The following MIPOL1 variants were observed in gnomAD, a reference collection of about 807,000 sequenced individuals.
The protein encoded by MIPOL1 is mirror-image polydactyly gene 1 protein.
A neutral mutation model predicts 60.9 loss-of-function variants in MIPOL1; 57 were observed. The ratio of observed to expected loss-of-function variants is 0.94; its 90% CI spans 0.76 to 1.17. The LOEUF (loss-of-function observed/expected upper bound fraction) is 1.17. Among genes scored for constraint, MIPOL1 ranks in the 50% most tolerant of loss-of-function variants. MIPOL1 has a pLI of 0.00. For synonymous variants in MIPOL1, 179 were observed against 168.8 expected (o/e 1.06, Z -0.47); for missense variants, 551 against 511.6 (o/e 1.08, Z -0.74).
At chr14:37,431,881 G>A (rs1046530945) in intron 11 of MIPOL1, among the ~76,000 whole-genome samples, 10 of 151,864 alleles carry the variant, frequency 6.6e-5, no homozygotes, top group Non-Finnish European at 1.2e-4. Flanking sequence ...CACTACGCCC[G>A]GCCCTGTTTC....
In MIPOL1 at chr14:37,499,892, T is replaced by A; in HGVS notation, c.1032-16T>A. On this transcript the variant is annotated splice_polypyrimidine_tract_variant and intron_variant, in intron 11 of 12. Transcript: ENST00000684589. ...TTACATTACTTATCTTTAAATTTTTTTTAATATTTTCTCAGTTTACACAAA... is the reference window on the plus strand; with the variant it reads ...TTACATTACTTATCTTTAAATTTTTATTAATATTTTCTCAGTTTACACAAA... 1 of 1,408,376 alleles carries A rather than the reference T, an allele frequency of 7.1e-7. No homozygotes were observed. Among genetic ancestry groups the A allele is most frequent in the South Asian group, 1.3e-5 (1 of 75,648 alleles). The allele number at this position is 1,408,376 out of a possible 1,614,324, so 87.2% of individuals were successfully genotyped here.
At chr14:37,425,609 A>T (rs951239920) in intron 11 of MIPOL1, among the ~76,000 whole-genome samples, 1 of 152,218 alleles carries the variant, frequency 6.6e-6, no homozygotes, top group Non-Finnish European at 1.5e-5. Flanking sequence ...TGAGAGTAAT[A>T]GTACCTACTT....
intron 10 of MIPOL1, among the ~76,000 whole-genome samples, chr14:37,398,767 G>A (rs538067722): frequency 4.6e-5 from 7 of 152,196 alleles, no homozygotes; most frequent in Middle Eastern, 3.4e-3. Context: ...AGATCTTTTC[G>A]TTTTTCTTTG....
intron 12 of MIPOL1, among the ~76,000 whole-genome samples, chr14:37,538,153 C>T (rs2095514606): frequency 6.6e-6 from 1 of 152,132 alleles, no homozygotes; most frequent in South Asian, 2.1e-4. Flanking sequence ...TATAATGAGC[C>T]TTGCAGGTCT....
At chr14:37,398,326 G>A (rs1454186277) in intron 10 of MIPOL1, among the ~76,000 whole-genome samples, 1 of 152,194 alleles carries the variant, frequency 6.6e-6, no homozygotes, top group African/African-American at 2.4e-5. Flanking sequence ...TATTTGGGGT[G>A]TCTCCAGAGT....
At chr14:37,349,223 G>A (rs1348396224) in intron 9 of MIPOL1, among the ~76,000 whole-genome samples, 8 of 151,858 alleles carry the variant, frequency 5.3e-5, no homozygotes, top group Non-Finnish European at 1.2e-4. Flanking sequence ...CCTGACCTCA[G>A]GTGATCCACC....
At chr14:37,229,817 A>G in intron 1 of MIPOL1, among the ~76,000 whole-genome samples, 1 of 152,194 alleles carries the variant, frequency 6.6e-6, no homozygotes, top group East Asian at 1.9e-4. Context: ...TTAAAACTAT[A>G]TATGTTACAA....
chr14:37,278,857 A>C (rs2083874193), intron 6 of MIPOL1: 1 of 151,796 alleles, frequency 6.6e-6, no homozygotes, highest in Non-Finnish European at 1.5e-5. Flanking sequence ...TGACTCAATA[A>C]ACTCATACTT....
intron 11 of MIPOL1, among the ~76,000 whole-genome samples, chr14:37,454,745 GTAAA>G (rs2094458279): frequency 6.6e-6 from 1 of 152,142 alleles, no homozygotes; most frequent in Non-Finnish European, 1.5e-5. Flanking sequence ...AATCCATGTG[GTAAA>G]TAAAGTATTG....
intron 7 of MIPOL1, among the ~76,000 whole-genome samples, chr14:37,299,012 G>A (rs537126061): frequency 0.021 from 3,110 of 151,578 alleles, 30 homozygotes; most frequent in Non-Finnish European, 0.032. Context: ...TGTTTATTGT[G>A]GCACTATTCA....
intron 12 of MIPOL1, among the ~76,000 whole-genome samples, chr14:37,542,256 T>G (rs2095532570): frequency 1.3e-5 from 2 of 152,336 alleles, no homozygotes; most frequent in South Asian, 2.1e-4. Flanking sequence ...CATCTTTTAC[T>G]TCTTTGACCA....
intron 9 of MIPOL1, among the ~76,000 whole-genome samples, chr14:37,316,808 C>T (rs908317170): frequency 1.3e-5 from 2 of 152,036 alleles, no homozygotes; most frequent in Middle Eastern, 3.4e-3. Context: ...GAAACCTTGT[C>T]TCTACTAAAA....
At chr14:37,269,160 T>C (rs1391668272) in intron 5 of MIPOL1, among the ~76,000 whole-genome samples, 2 of 152,104 alleles carry the variant, frequency 1.3e-5, no homozygotes, top group African/African-American at 4.8e-5. Flanking sequence ...TTTTTCTTTA[T>C]TAGTATCCAT....
At position 37,409,513 on chromosome 14, in the gene MIPOL1, C is replaced by T. The variant is rs1055628211; in HGVS notation, c.937-13342C>T. ...GCCAAAAAAATAATTTGTGGCTGGGCGCAGTGGCTCACACCTGTAATCCCA... is the reference window on the plus strand; with the variant it reads ...GCCAAAAAAATAATTTGTGGCTGGGTGCAGTGGCTCACACCTGTAATCCCA... On this transcript the variant is annotated intron_variant, in intron 10 of 12. Transcript: ENST00000684589. Among the ~76,000 whole-genome samples the T allele has an allele frequency of 1.4e-4, 22 of 152,234 alleles. 1 individual carries two copies. The East Asian group carries it at 1.5e-3, about 11-fold the overall frequency.
chr14:37,498,606 T>C (rs575714300), intron 11 of MIPOL1, among the ~76,000 whole-genome samples: 2 of 152,248 alleles, frequency 1.3e-5, no homozygotes, highest in East Asian at 3.9e-4. Context: ...TTAATAACAA[T>C]GTGCAAACCA....
At position 37,440,946 on chromosome 14, in the gene MIPOL1, G is replaced by A. The variant is rs191734680; in HGVS notation, c.1031+17997G>A. ...GTTATTTTCTGACTTTCTAATAATG[G>A]CCATTCTGAGTGGTGTCAATGAGGA... On this transcript the variant is annotated intron_variant, in intron 11 of 12. Transcript: ENST00000684589. 3.6e-3 allele frequency among the ~76,000 whole-genome samples: 552 copies of A among 152,146 alleles called. 3 individuals are homozygous for A. The highest frequency in any genetic ancestry group is 6.4e-3 in the Non-Finnish European group (437 of 67,984).
intron 7 of MIPOL1, among the ~76,000 whole-genome samples, chr14:37,288,295 C>T (rs550838729): frequency 4.6e-5 from 7 of 151,904 alleles, no homozygotes; most frequent in East Asian, 3.9e-4. Context: ...GTCTTAGGCA[C>T]GGCACCTGGC....
intron 11 of MIPOL1, among the ~76,000 whole-genome samples, chr14:37,491,254 C>T (rs1270303701): frequency 1.3e-5 from 2 of 152,096 alleles, no homozygotes; most frequent in African/African-American, 2.4e-5. Context: ...TCTGGCCAGG[C>T]GCAATGGCTC....
chr14:37,512,677 T>C (rs1274935163), intron 12 of MIPOL1, among the ~76,000 whole-genome samples: 1 of 152,074 alleles, frequency 6.6e-6, no homozygotes, highest in Non-Finnish European at 1.5e-5. Context: ...ACCTGTGATA[T>C]TTTTCCTATA....
Sources: gnomAD v4.1 joint callset for allele counts (sites outside exome capture counted in the v4.1 genomes callset) on GRCh38, gnomAD v4.1.1 for gene constraint, MANE v1.5 for transcripts, NCBI Gene and HGNC (gene_info 2026-07-23, HGNC 2026-07-21) for gene names.